Variants in MGAT4A observed in about 807,000 individuals in gnomAD.
MGAT4A encodes alpha-1,3-mannosyl-glycoprotein 4-beta-N-acetylglucosaminyltransferase A.
A neutral mutation model predicts 74.1 loss-of-function variants in MGAT4A; 33 were observed. The observed-to-expected ratio is 0.45, with a 90% CI of 0.34 to 0.60. MGAT4A has a LOEUF of 0.60. Among genes scored for constraint, MGAT4A ranks in the 20% least tolerant of loss-of-function variants. The pLI is 0.02. For missense variants in MGAT4A, 479 were observed against 628.3 expected, an observed-to-expected ratio of 0.76 and a Z score of 2.54; for synonymous variants, 198 against 210.4, an observed-to-expected ratio of 0.94 and a Z score of 0.51.
chr2:98,714,119 G>C (rs187269005), intron 2 of MGAT4A, among the ~76,000 whole-genome samples: 1 of 152,116 alleles, frequency 6.6e-6, no homozygotes, highest in African/African-American at 2.4e-5. Flanking sequence ...ACGGAGTCTC[G>C]CTCTGTCACC....
At chr2:98,721,592 G>T (rs1302145460) in intron 2 of MGAT4A, among the ~76,000 whole-genome samples, 3 of 151,972 alleles carry the variant, frequency 2.0e-5, no homozygotes, top group African/African-American at 7.3e-5. Flanking sequence ...ATATTGTTTG[G>T]TTTGCAACAT....
rs1264345146 is a variant in MGAT4A at position 98,663,105 on chromosome 2, T to C, written c.478A>G (p.Ile160Val). 1 of 1,601,526 alleles carries C rather than the reference T, an allele frequency of 6.2e-7. No individual in the cohort carries two copies. Among genetic ancestry groups the C allele is most frequent in the Non-Finnish European group, 8.5e-7 (1 of 1,171,114 alleles). Residue 160 changes from isoleucine (I) to valine (V), a missense_variant, in exon 5 of 16, where the codon ATT becomes GTT. Ile to Val is a conservative substitution (Grantham distance 29). Transcript: ENST00000393487. ...SYLIETLHSL[I>V]DNLYPEEKLD... ...TTCTCTTCAGGATACAGGTTATCAA[T>C]AAGGGAATGAAGAGTTTCTATGAGG...
At chr2:98,725,125 C>G (rs982639380) in intron 2 of MGAT4A, among the ~76,000 whole-genome samples, 4 of 152,050 alleles carry the variant, frequency 2.6e-5, no homozygotes, top group African/African-American at 9.7e-5. Flanking sequence ...TCATTTAGTA[C>G]AATAAAAACA....
chr2:98,684,642 G>A (rs1384090575), intron 2 of MGAT4A, among the ~76,000 whole-genome samples: 1 of 152,106 alleles, frequency 6.6e-6, no homozygotes, highest in Non-Finnish European at 1.5e-5. Context: ...TGGCAAAAAT[G>A]GTAATTTCAT....
chr2:98,678,271 A>G lies in MGAT4A; in HGVS notation c.262+33T>C, dbSNP rs556861338. 1.1e-5 allele frequency: 8 copies of G among 702,350 alleles called. No homozygotes were observed. The African/African-American group carries it at 1.4e-4, about 12-fold the overall frequency. The allele number at this position is 702,350 out of a possible 1,614,324, so 43.5% of individuals were successfully genotyped here. ...AAAAATATATATATATATATATAAA[A>G]TCTTTTTATAATATAAAAAATACTG... On this transcript the variant is annotated intron_variant, in intron 3 of 15. Coordinates refer to ENST00000393487, the MANE Select transcript of MGAT4A (RefSeq NM_012214.3).
At position 98,656,338 on chromosome 2, in the gene MGAT4A, C is replaced by G. The variant is rs574140437; in HGVS notation, c.698+14G>C. The G allele has an allele frequency of 6.7e-7, 1 of 1,490,780 alleles. No homozygotes were observed. Among genetic ancestry groups the G allele is most frequent in the South Asian group, 1.2e-5 (1 of 86,468 alleles). The allele number at this position is 1,490,780 out of a possible 1,614,324, so 92.3% of individuals were successfully genotyped here. On this transcript the variant is annotated intron_variant, in intron 7 of 15. Transcript: ENST00000393487. The stretch of plus-strand genomic sequence containing the variant: ...ACTCACAAGTGTGGAGGATTTTAAA[C>G]GGCACATGCTCACCTTACTCTTTCT...
At chr2:98,695,503 G>T in intron 2 of MGAT4A, 1 of 172,200 alleles carries the variant, frequency 5.8e-6, no homozygotes. Flanking sequence ...AATGCATGCA[G>T]GGTGTTATCC....
At position 98,678,405 on chromosome 2, in the gene MGAT4A, C is replaced by A; in HGVS notation, c.161G>T (p.Arg54Ile). ...LKERLRIAEH[R>I]ISQRSSELNT... ...TAATTCAGAAGAGCGCTGTGAGATT[C>A]TGTGTTCAGCTATTCGAAGACGTTC... is the stretch of plus-strand genomic sequence containing the variant. The change falls in exon 3 of 16, where the codon AGA (arginine) becomes ATA (isoleucine). Residue 54 changes from arginine to isoleucine, a missense_variant. This residue lies in a region of MGAT4A where 205 missense variants were observed against 232.7 expected (regional missense o/e 0.88). Coordinates refer to ENST00000393487, the MANE Select transcript of MGAT4A (RefSeq NM_012214.3). 2 of 1,593,730 alleles carry A rather than the reference C, an allele frequency of 1.3e-6. No homozygotes were observed. Among genetic ancestry groups the A allele is most frequent in the Non-Finnish European group, 1.7e-6 (2 of 1,166,384 alleles).
rs550803031 is a variant in MGAT4A at position 98,635,881 on chromosome 2, G to A, written c.1402-593C>T. Among the ~76,000 whole-genome samples the A allele has an allele frequency of 2.2e-4, 33 of 151,524 alleles. No homozygotes were observed. In the East Asian group the frequency reaches 5.1e-3, roughly 24 times the overall value. On this transcript the variant is annotated intron_variant, in intron 13 of 15. Coordinates refer to ENST00000393487, the MANE Select transcript of MGAT4A (RefSeq NM_012214.3). ...CACGCACCTATACTCCCAGCTACTC[G>A]GGAGGCTGAGGCAGGAGAATCACTT...
chr2:98,635,160 T>C, intron 14 of MGAT4A, 62 bp downstream of exon 14: 2 of 1,291,890 alleles, frequency 1.5e-6, no homozygotes, highest in South Asian at 1.3e-5. Context: ...TGAAAAGAAC[T>C]GAAAAGTACT....
At chr2:98,699,495 A>G (rs1166452625) in intron 2 of MGAT4A, among the ~76,000 whole-genome samples, 1 of 152,080 alleles carries the variant, frequency 6.6e-6, no homozygotes, top group Non-Finnish European at 1.5e-5. Flanking sequence ...AGCAGGAATC[A>G]TATTTTAGTC....
intron 2 of MGAT4A, among the ~76,000 whole-genome samples, chr2:98,713,643 G>T (rs747282186): frequency 6.6e-6 from 1 of 152,160 alleles, no homozygotes; most frequent in African/African-American, 2.4e-5. Context: ...AGAAAATAGT[G>T]AGACTGAACA....
intron 2 of MGAT4A, among the ~76,000 whole-genome samples, chr2:98,717,817 T>C (rs1702612503): frequency 6.6e-6 from 1 of 152,214 alleles, no homozygotes; most frequent in African/African-American, 2.4e-5. Context: ...TGCTAATGCA[T>C]CCCAGACCAC....
At chr2:98,713,283 G>A (rs1384345285) in intron 2 of MGAT4A, among the ~76,000 whole-genome samples, 1 of 147,170 alleles carries the variant, frequency 6.8e-6, no homozygotes, top group Non-Finnish European at 1.5e-5. Flanking sequence ...AAAAGATACA[G>A]AATCTACTTT....
chr2:98,680,214 T>C (rs1575265899), intron 2 of MGAT4A, among the ~76,000 whole-genome samples: 3 of 152,094 alleles, frequency 2.0e-5, no homozygotes, highest in Non-Finnish European at 2.9e-5. Context: ...CAGATACTTT[T>C]CGTATTTTCA....
chr2:98,669,425 G>A (rs976736837), intron 4 of MGAT4A, among the ~76,000 whole-genome samples: 6 of 152,136 alleles, frequency 3.9e-5, no homozygotes, highest in Admixed American at 6.5e-5. Context: ...TTGTGAGGCC[G>A]CCCCAGCCAC....
At chr2:98,714,484 A>G (rs558718898) in intron 2 of MGAT4A, among the ~76,000 whole-genome samples, 46 of 152,336 alleles carry the variant, frequency 3.0e-4, no homozygotes, top group African/African-American at 1.1e-3. Context: ...CCAAGGGATC[A>G]CTAGGAATTC....
At chr2:98,707,554 C>G (rs987286453) in intron 2 of MGAT4A, among the ~76,000 whole-genome samples, 15 of 152,154 alleles carry the variant, frequency 9.9e-5, no homozygotes, top group African/African-American at 3.6e-4. Flanking sequence ...TAGCACTTCT[C>G]CCGATGTTAC....
chr2:98,634,270 G>A (rs1209447758), intron 14 of MGAT4A, among the ~76,000 whole-genome samples: 1 of 152,176 alleles, frequency 6.6e-6, no homozygotes, highest in African/African-American at 2.4e-5. Flanking sequence ...GGGGGGATCT[G>A]AAGAGCAGGG....
Sources: gnomAD v4.1 joint callset for allele counts (sites outside exome capture counted in the v4.1 genomes callset) on GRCh38, gnomAD v4.1.1 for gene constraint, gnomAD v4.1.1 regional missense constraint, MANE v1.5 for transcripts, NCBI Gene and HGNC (gene_info 2026-07-23, HGNC 2026-07-21) for gene names.